RIPK1: variants seen among roughly 807,000 people sequenced by gnomAD.
RIPK1 encodes receptor interacting serine/threonine kinase 1.
Under a neutral mutation model 62.4 loss-of-function variants are expected in RIPK1, and 27 were observed. The observed-to-expected ratio is 0.43, with a 90% CI of 0.32 to 0.60. The LOEUF is 0.60. Among genes scored for constraint, RIPK1 ranks in the 20% least tolerant of loss-of-function variants. The pLI, the probability that RIPK1 is intolerant of heterozygous loss-of-function variation, is 0.07. For synonymous variants in RIPK1, 287 were observed against 303.2 expected, an observed-to-expected ratio of 0.95 and a Z score of 0.55; for missense variants, 735 against 831.0, an observed-to-expected ratio of 0.88 and a Z score of 1.42.
intron 6 of RIPK1, among the ~76,000 whole-genome samples, chr6:3,086,719 C>G (rs9405191): frequency 0.74 from 112,566 of 152,134 alleles, 47,705 homozygotes; most frequent in Non-Finnish European, 0.95. Flanking sequence ...TCAGCAACCT[C>G]AAGCTCTCCA....
rs1407582681 is a variant in RIPK1 at position 3,083,333 on chromosome 6, C to T, written c.688+20C>T. The T allele has an allele frequency of 6.3e-7, 1 of 1,583,434 alleles. No homozygotes were observed. Among genetic ancestry groups the T allele is most frequent in the Non-Finnish European group, 8.6e-7 (1 of 1,164,762 alleles). ...ATGAAAGTAAGGCATTACTTACTTT[C>T]CACTGCCGTCCCCTCAGCATCTACA... On this transcript the variant is annotated intron_variant, in intron 5 of 10. Transcript: ENST00000259808.
intron 9 of RIPK1, among the ~76,000 whole-genome samples, chr6:3,106,961 C>T (rs1173862676): frequency 1.3e-5 from 2 of 152,040 alleles, no homozygotes; most frequent in African/African-American, 4.8e-5. Context: ...TCAGCTGGGG[C>T]CATGGTTGGC....
chr6:3,084,649 A>G (rs1488985762), intron 5 of RIPK1, among the ~76,000 whole-genome samples: 2 of 145,600 alleles, frequency 1.4e-5, no homozygotes, highest in African/African-American at 2.6e-5. Context: ...GTTGGAGTGC[A>G]GTGGTGCAGT....
intron 5 of RIPK1, among the ~76,000 whole-genome samples, chr6:3,084,164 CCT>C (rs760708243): frequency 8.0e-6 from 1 of 124,502 alleles, no homozygotes; most frequent in Non-Finnish European, 1.6e-5. Flanking sequence ...TTCAAACCCT[CCT>C]CGTTTCTGCA....
At chr6:3,082,137 A>G (rs1288240091) in intron 4 of RIPK1, among the ~76,000 whole-genome samples, 1 of 152,138 alleles carries the variant, frequency 6.6e-6, no homozygotes, top group Non-Finnish European at 1.5e-5. Flanking sequence ...CAAGAATCCA[A>G]AAGGGGAAGC....
At chr6:3,064,557 C>T (rs1484669846), upstream of RIPK1, among the ~76,000 whole-genome samples, 1 of 152,176 alleles carries the variant, frequency 6.6e-6, no homozygotes, top group African/African-American at 2.4e-5. Flanking sequence ...ATCTGCAGAG[C>T]CAGGCTCAGC....
At chr6:3,074,773 C>T (rs990504024) in intron 1 of RIPK1, among the ~76,000 whole-genome samples, 4 of 152,144 alleles carry the variant, frequency 2.6e-5, no homozygotes, top group African/African-American at 7.2e-5. Flanking sequence ...CCTCCGCCTC[C>T]CAAATTTAAG....
intron 1 of RIPK1, among the ~76,000 whole-genome samples, chr6:3,070,156 C>T (rs1007199775): frequency 6.6e-6 from 1 of 152,030 alleles, no homozygotes; most frequent in South Asian, 2.1e-4. Context: ...ACTCATTTTC[C>T]TCTGTCTGAA....
intron 9 of RIPK1, among the ~76,000 whole-genome samples, chr6:3,106,425 A>G (rs1017647275): frequency 2.6e-5 from 4 of 152,182 alleles, no homozygotes; most frequent in African/African-American, 9.7e-5. Context: ...AGTCTTGGAT[A>G]TTTTTGTTTC....
intron 1 of RIPK1, among the ~76,000 whole-genome samples, chr6:3,069,902 G>A (rs1014377690): frequency 9.2e-5 from 14 of 152,022 alleles, no homozygotes; most frequent in Admixed American, 6.5e-4. Context: ...TCCCAGCTAC[G>A]CGGGAGGCTG....
chr6:3,090,085 G>C (rs902098061), intron 7 of RIPK1, among the ~76,000 whole-genome samples: 15 of 152,354 alleles, frequency 9.8e-5, no homozygotes, highest in Admixed American at 7.8e-4. Context: ...CAACAGCACA[G>C]TCACCTGGGA....
At position 3,072,251 on chromosome 6, in the gene RIPK1, T is replaced by C. The variant is rs924569461; in HGVS notation, c.-61+3590T>C. On this transcript the variant is annotated intron_variant, in intron 1 of 10. Coordinates refer to ENST00000259808, the MANE Select transcript of RIPK1 (RefSeq NM_001354930.2). This position sits in a 1 kb window ranked among gnomAD's most constrained non-coding sequence, Gnocchi z 5.6. ...ATTTTAATTTTACATTTAATTCATG[T>C]CTATTGTGGAAAATTTGGAAAACAT... Among the ~76,000 whole-genome samples the C allele has an allele frequency of 2.0e-5, 3 of 152,340 alleles. No individual in the cohort carries two copies. The highest frequency in any genetic ancestry group is 3.9e-4 in the East Asian group (2 of 5,192).
rs557022552 is a variant in RIPK1, at chr6:3,104,426, G to A, written c.1006+111G>A. On this transcript the variant is annotated intron_variant, in intron 8 of 10. Coordinates refer to ENST00000259808, the MANE Select transcript of RIPK1 (RefSeq NM_001354930.2). ...ATGGGAAACAGAAGAAACTATAAAA[G>A]TGAACACCTGCCTTACAGGAATTTA... The A allele has an allele frequency of 1.1e-4, 68 of 607,106 alleles. No individual in the cohort carries two copies. In the South Asian group the frequency reaches 1.4e-3, roughly 13 times the overall value. The allele number at this position is 607,106 out of a possible 1,614,324, so 37.6% of individuals were successfully genotyped here.
chr6:3,100,952 AAAAAG>A (rs2113678442), intron 7 of RIPK1, among the ~76,000 whole-genome samples: 1 of 152,302 alleles, frequency 6.6e-6, no homozygotes, highest in African/African-American at 2.4e-5. Flanking sequence ...AAATAACTAT[AAAAAG>A]AAAATCAATT....
At chr6:3,088,279 C>T (rs116222306) in intron 6 of RIPK1, among the ~76,000 whole-genome samples, 2,370 of 152,346 alleles carry the variant, frequency 0.016, 29 homozygotes, top group Non-Finnish European at 0.024. Context: ...TCAGAGGCTC[C>T]TCTTCACTGC....
intron 3 of RIPK1, among the ~76,000 whole-genome samples, chr6:3,079,751 AT>A (rs1759279283): frequency 6.6e-6 from 1 of 152,228 alleles, no homozygotes; most frequent in Non-Finnish European, 1.5e-5. Context: ...TACGCATGGT[AT>A]TATAGTTTGA....
At chr6:3,086,577 C>T (rs1180882458) in intron 6 of RIPK1, among the ~76,000 whole-genome samples, 2 of 152,346 alleles carry the variant, frequency 1.3e-5, no homozygotes, top group African/African-American at 2.4e-5. Flanking sequence ...ACTTACGTCT[C>T]CCCTTTTACT....
chr6:3,074,686 A>T (rs923024923), intron 1 of RIPK1, among the ~76,000 whole-genome samples: 1 of 150,646 alleles, frequency 6.6e-6, no homozygotes, highest in Non-Finnish European at 1.5e-5. Context: ...TTTTATTTTA[A>T]TTTTTTTGAG....
At chr6:3,085,919 A>G (rs546460766) in intron 6 of RIPK1, among the ~76,000 whole-genome samples, 1 of 152,298 alleles carries the variant, frequency 6.6e-6, no homozygotes, top group Admixed American at 6.5e-5. Flanking sequence ...ATATGTCAGA[A>G]TTTCTTTCCT....
Sources: allele counts gnomAD v4.1 joint callset (sites outside exome capture counted in the v4.1 genomes callset), GRCh38; gene constraint gnomAD v4.1.1; non-coding constraint Gnocchi (gnomAD v3.1); transcripts MANE v1.5; gene names NCBI Gene and HGNC (gene_info 2026-07-23, HGNC 2026-07-21).